The following ZNF365 variants were observed in gnomAD, a reference collection of about 807,000 sequenced individuals.
ZNF365 encodes the protein protein ZNF365.
ZNF365 carries 22 observed loss-of-function variants against 35.0 expected under a neutral mutation model. That is an observed-to-expected ratio of 0.63 (90% CI 0.45 to 0.90). ZNF365 has a LOEUF of 0.90. ZNF365 is among the 40% of genes least tolerant of loss of function. The pLI is 0.00. For synonymous variants in ZNF365, 188 were observed against 196.2 expected, an observed-to-expected ratio of 0.96 and a Z score of 0.35; for missense variants, 448 against 500.3, an observed-to-expected ratio of 0.90 and a Z score of 1.00.
In ZNF365 at chr10:62,377,070, G is replaced by C. The variant is rs898901066; in HGVS notation, c.743+134G>C. ...GACTGCATTTCTTATTGATATAGTT[G>C]AACCAGGAGGAACAAGGCTTTGATA... On this transcript the variant is annotated intron_variant, in intron 2 of 4. Coordinates refer to ENST00000395254, the MANE Select transcript of ZNF365 (RefSeq NM_014951.3). The C allele has an allele frequency of 4.2e-6, 5 of 1,180,482 alleles. No homozygotes were observed. The African/African-American group carries it at 7.7e-5, about 18-fold the overall frequency. The allele number at this position is 1,180,482 out of a possible 1,614,324, so 73.1% of individuals were successfully genotyped here. A position where few individuals can be genotyped will look rare whatever the true frequency, so the allele number is the denominator to read the frequency against.
intron 2 of ZNF365, among the ~76,000 whole-genome samples, chr10:62,386,553 TG>T (rs1589429098): frequency 6.6e-6 from 1 of 152,324 alleles, no homozygotes; most frequent in Middle Eastern, 3.4e-3. Flanking sequence ...TTTATACATA[TG>T]TAATTCCCAA....
chr10:62,386,550 A>G (rs1194792053), intron 2 of ZNF365, among the ~76,000 whole-genome samples: 2 of 152,218 alleles, frequency 1.3e-5, no homozygotes, highest in African/African-American at 2.4e-5. Flanking sequence ...GTTTTTATAC[A>G]TATGTAATTC....
chr10:62,432,509 T>C (rs1840349599), intron 3 of ZNF365, among the ~76,000 whole-genome samples: 1 of 152,198 alleles, frequency 6.6e-6, no homozygotes, highest in African/African-American at 2.4e-5. Context: ...CTGAAATGGG[T>C]ACCTTAGTAT....
At chr10:62,450,036 G>A (rs991424084) in intron 3 of ZNF365, among the ~76,000 whole-genome samples, 3 of 152,006 alleles carry the variant, frequency 2.0e-5, no homozygotes, top group Admixed American at 2.0e-4. Context: ...ATTTTGGGAG[G>A]CTGAGGTGGA....
intron 4 of ZNF365, among the ~76,000 whole-genome samples, chr10:62,460,297 A>G (rs1840826679): frequency 6.6e-6 from 1 of 152,212 alleles, no homozygotes; most frequent in South Asian, 2.1e-4. Context: ...TCCCTCTTTT[A>G]TGTGCCAGGG....
intron 3 of ZNF365, among the ~76,000 whole-genome samples, chr10:62,433,339 G>T (rs1386212479): frequency 6.6e-6 from 1 of 152,144 alleles, no homozygotes; most frequent in African/African-American, 2.4e-5. Flanking sequence ...AAAGTCAGCT[G>T]AATCACCTGC....
At chr10:62,438,103 T>G (rs1481957740) in intron 3 of ZNF365, among the ~76,000 whole-genome samples, 1 of 152,120 alleles carries the variant, frequency 6.6e-6, no homozygotes, top group Non-Finnish European at 1.5e-5. Flanking sequence ...ATATTGAGAG[T>G]CCACAGATCC....
Position 62,449,048 on chromosome 10 carries a change from G to A in ZNF365, c.925-10693G>A, listed in dbSNP as rs1589459678. On this transcript the variant is annotated intron_variant, in intron 3 of 4. Coordinates refer to the ZNF365 transcript ENST00000395255. The stretch of plus-strand genomic sequence containing the variant: ...AAAAATGCCAAAATGGATCCAATGT[G>A]GAAAATGTTGAATCCATGTGTGAGA... Among the ~76,000 whole-genome samples the A allele has an allele frequency of 2.6e-5, 4 of 152,116 alleles. No homozygotes were observed. In the South Asian group the frequency reaches 8.3e-4, roughly 32 times the overall value.
intron 3 of ZNF365, among the ~76,000 whole-genome samples, chr10:62,429,539 A>C (rs1840303816): frequency 6.6e-6 from 1 of 152,184 alleles, no homozygotes; most frequent in Non-Finnish European, 1.5e-5. Flanking sequence ...TGGGGGCAGG[A>C]GGAGTAGACT....
intron 3 of ZNF365, among the ~76,000 whole-genome samples, chr10:62,445,781 C>G (rs1031111201): frequency 9.2e-5 from 14 of 152,152 alleles, no homozygotes; most frequent in Non-Finnish European, 1.9e-4. Context: ...ACCACTGATT[C>G]AAAGTGGAAA....
At chr10:62,435,761 T>G (rs971913956) in intron 3 of ZNF365, among the ~76,000 whole-genome samples, 6 of 152,198 alleles carry the variant, frequency 3.9e-5, no homozygotes, top group African/African-American at 1.4e-4. Context: ...TGGCAATGCC[T>G]AAATTCTTCC....
At chr10:62,387,369 T>G (rs1839542935) in intron 2 of ZNF365, among the ~76,000 whole-genome samples, 1 of 152,168 alleles carries the variant, frequency 6.6e-6, no homozygotes, top group Non-Finnish European at 1.5e-5. Context: ...ATGGTGGTGG[T>G]CTCAGGATAA....
intron 2 of ZNF365, among the ~76,000 whole-genome samples, chr10:62,388,155 T>C (rs922406722): frequency 6.6e-6 from 1 of 152,242 alleles, no homozygotes; most frequent in African/African-American, 2.4e-5. Flanking sequence ...GTTTCAATTT[T>C]CTTAGCACTT....
intron 3 of ZNF365, among the ~76,000 whole-genome samples, chr10:62,447,937 C>T (rs981521116): frequency 4.6e-5 from 7 of 152,146 alleles, no homozygotes; most frequent in African/African-American, 1.7e-4. Context: ...TTAATTCCTG[C>T]CCCTAACCTT....
intron 4 of ZNF365, among the ~76,000 whole-genome samples, chr10:62,477,420 G>A (rs963338177): frequency 6.6e-6 from 1 of 152,254 alleles, no homozygotes; most frequent in African/African-American, 2.4e-5. Context: ...CAACTATGAA[G>A]CAAACAAATG....
chr10:62,426,381 C>T (rs1273606600), intron 3 of ZNF365, among the ~76,000 whole-genome samples: 1 of 152,094 alleles, frequency 6.6e-6, no homozygotes, highest in African/African-American at 2.4e-5. Context: ...TTTCCATGAT[C>T]CAGTCAAACC....
chr10:62,450,996 G>GT (rs979472275), intron 3 of ZNF365, among the ~76,000 whole-genome samples: 21 of 151,796 alleles, frequency 1.4e-4, no homozygotes, highest in African/African-American at 4.6e-4. Flanking sequence ...TTTGCTTGTT[G>GT]TTTTTTTACA....
intron 3 of ZNF365, among the ~76,000 whole-genome samples, chr10:62,434,289 C>G (rs970112854): frequency 2.0e-5 from 3 of 150,790 alleles, no homozygotes; most frequent in Non-Finnish European, 4.4e-5. Flanking sequence ...TTTTTTTTTT[C>G]TCCCTGTAAA....
chr10:62,378,889 A>G (rs1307051181), intron 2 of ZNF365, among the ~76,000 whole-genome samples: 1 of 152,218 alleles, frequency 6.6e-6, no homozygotes, highest in Non-Finnish European at 1.5e-5. Flanking sequence ...ATCATGATGC[A>G]TTTAACCAGT....
Sources: allele counts gnomAD v4.1 joint callset (sites outside exome capture counted in the v4.1 genomes callset), GRCh38; gene constraint gnomAD v4.1.1; transcripts MANE v1.5; gene names NCBI Gene and HGNC (gene_info 2026-07-23, HGNC 2026-07-21).